RBM19: variants seen among roughly 807,000 people sequenced by gnomAD.
RBM19 encodes the protein probable RNA-binding protein 19.
Under a neutral mutation model 116.8 loss-of-function variants are expected in RBM19, and 94 were observed. The ratio of observed to expected loss-of-function variants is 0.80; its 90% CI spans 0.68 to 0.95. RBM19 has a LOEUF of 0.95. Among genes scored for constraint, RBM19 ranks in the 40% least tolerant of loss-of-function variants. The pLI is 0.00. For synonymous variants in RBM19, 475 were observed against 494.1 expected (o/e 0.96, Z 0.51); for missense variants, 1,161 against 1,220.7 (o/e 0.95, Z 0.73).
chr12:113,845,339 A>G (rs1876869842), intron 22 of RBM19, among the ~76,000 whole-genome samples: 1 of 150,940 alleles, frequency 6.6e-6, no homozygotes, highest in Non-Finnish European at 1.5e-5. Context: ...TCCCGCTCCC[A>G]GCTCCCACCC....
intron 21 of RBM19, among the ~76,000 whole-genome samples, chr12:113,890,405 T>G (rs2135805995): frequency 6.6e-6 from 1 of 152,288 alleles, no homozygotes; most frequent in South Asian, 2.1e-4. Flanking sequence ...CTGCCATAGG[T>G]GTCTGCAGCC....
At chr12:113,845,710 G>A (rs1180737019) in intron 22 of RBM19, among the ~76,000 whole-genome samples, 3 of 152,154 alleles carry the variant, frequency 2.0e-5, no homozygotes, top group Admixed American at 6.5e-5. Context: ...GATCAGTACC[G>A]TCTTAAACAT....
intron 21 of RBM19, among the ~76,000 whole-genome samples, chr12:113,902,067 A>G (rs1023545659): frequency 3.3e-5 from 5 of 152,244 alleles, no homozygotes; most frequent in African/African-American, 1.2e-4. Context: ...GCAAAACTAC[A>G]GTACAATATC....
chr12:113,838,274 A>C (rs1876138729), intron 23 of RBM19, among the ~76,000 whole-genome samples: 2 of 152,240 alleles, frequency 1.3e-5, no homozygotes, highest in South Asian at 4.1e-4. Context: ...GAGGACCTGG[A>C]GAAAACCCAC....
intron 21 of RBM19, among the ~76,000 whole-genome samples, chr12:113,908,088 C>T (rs1035095721): frequency 6.6e-6 from 1 of 152,148 alleles, no homozygotes; most frequent in African/African-American, 2.4e-5. Context: ...TTTTCTCCCA[C>T]CCCACACACC....
chr12:113,864,879 G>C (rs544549828), intron 21 of RBM19, among the ~76,000 whole-genome samples: 2 of 152,256 alleles, frequency 1.3e-5, no homozygotes, highest in South Asian at 4.2e-4. Context: ...ACAAATATGT[G>C]CTAGTCATCG....
rs557575803 is a variant in RBM19, at chr12:113,958,155, G to A, written c.572-105C>T. On this transcript the variant is annotated intron_variant, in intron 5 of 23. Coordinates refer to ENST00000261741, the MANE Select transcript of RBM19 (RefSeq NM_016196.4). ...CCTAGTGAGAGGCCTGAGGCACCAT[G>A]CCCACCGTGTCCATGGCCCCTGTGC... is the stretch of plus-strand genomic sequence containing the variant. 3.4e-5 allele frequency: 51 copies of A among 1,506,694 alleles called. 1 individual carries two copies. In the Admixed American group the frequency reaches 1.1e-3, roughly 32 times the overall value. 93.3% of individuals were successfully genotyped at this position (1,506,694 alleles called of 1,614,324 possible).
intron 23 of RBM19, among the ~76,000 whole-genome samples, chr12:113,836,981 CCTA>C (rs1429839730): frequency 8.3e-6 from 1 of 120,416 alleles, no homozygotes; most frequent in African/African-American, 3.5e-5. Flanking sequence ...TACCTGTCCT[CCTA>C]CTTACTACAT....
At chr12:113,926,186 C>G (rs1869050711) in intron 17 of RBM19, among the ~76,000 whole-genome samples, 1 of 152,154 alleles carries the variant, frequency 6.6e-6, no homozygotes, top group African/African-American at 2.4e-5. Context: ...GCCTCCATAT[C>G]TTCTGCCCAC....
At chr12:113,956,576 C>CAAAA (rs10592306) in intron 6 of RBM19, among the ~76,000 whole-genome samples, 4 of 66,210 alleles carry the variant, frequency 6.0e-5, no homozygotes, top group Admixed American at 1.8e-4. Context: ...AAGACTGTCT[C>CAAAA]AAAAAAAAAA....
intron 16 of RBM19, among the ~76,000 whole-genome samples, chr12:113,929,812 G>A (rs1344511056): frequency 2.0e-5 from 3 of 152,142 alleles, no homozygotes; most frequent in African/African-American, 7.2e-5. Context: ...GAAAACAGGG[G>A]GCCCAAGGAG....
intron 17 of RBM19, 59 bp from the exon 18 acceptor site, chr12:113,924,816 A>G (rs1458713): frequency 0.87 from 1,239,208 of 1,418,292 alleles, 542,733 homozygotes; most frequent in East Asian, 0.98. Context: ...AGGCAAGGGC[A>G]CCTGTCAAAC....
At chr12:113,918,503 T>C in intron 19 of RBM19, 56 bp from the exon 20 acceptor site, 1 of 1,582,482 alleles carries the variant, frequency 6.3e-7, no homozygotes, top group Admixed American at 1.7e-5. Context: ...CTCACCCGAA[T>C]CCTTGCCCTT....
chr12:113,830,228 C>G (rs28739424), intron 23 of RBM19, among the ~76,000 whole-genome samples: 39,102 of 152,106 alleles, frequency 0.26, 5,184 homozygotes, highest in Middle Eastern at 0.4. Context: ...CAGCAATTTC[C>G]TTTTCAAAGG....
chr12:113,837,079 C>CTACATACATACATACA (rs59581128), intron 23 of RBM19, among the ~76,000 whole-genome samples: 7 of 136,314 alleles, frequency 5.1e-5, no homozygotes, highest in South Asian at 4.8e-4. Flanking sequence ...CCCCTACTTA[C>CTACATACATACATACA]TACATACATA....
At chr12:113,946,621 G>A (rs11066842) in intron 11 of RBM19, 146 bp from the exon 12 acceptor site, 223,516 of 1,011,266 alleles carry the variant, frequency 0.22, 28,095 homozygotes, top group Middle Eastern at 0.27. Flanking sequence ...CAGGTAGAAC[G>A]TGGCCACTCT....
At chr12:113,943,486 A>G (rs1870751904) in intron 13 of RBM19, among the ~76,000 whole-genome samples, 1 of 137,640 alleles carries the variant, frequency 7.3e-6, no homozygotes, top group Non-Finnish European at 1.6e-5. Flanking sequence ...AGACTACAAT[A>G]GCTTGCAATT....
At chr12:113,820,358 A>G (rs1874332156), downstream of RBM19, among the ~76,000 whole-genome samples, 1 of 152,130 alleles carries the variant, frequency 6.6e-6, no homozygotes, top group South Asian at 2.1e-4. Flanking sequence ...AAAGGAAAAT[A>G]AAAAGGCGCC....
rs774607484 is a variant in RBM19, at chr12:113,858,952, C to T, written c.2559-56G>A. On this transcript the variant is annotated intron_variant, in intron 21 of 23. Transcript: ENST00000261741. ...AAGAATAGAGGCCCGCAAGGGAGGT[C>T]GGGAAGGCAGGACTGATTCTCACAT... The T allele has an allele frequency of 2.2e-5, 33 of 1,518,482 alleles. No individual in the cohort carries two copies. In the Admixed American group the frequency reaches 2.2e-4, roughly 10 times the overall value. The allele number at this position is 1,518,482 out of a possible 1,614,324, so 94.1% of individuals were successfully genotyped here.
Sources: gnomAD v4.1 joint callset for allele counts (sites outside exome capture counted in the v4.1 genomes callset) on GRCh38, gnomAD v4.1.1 for gene constraint, MANE v1.5 for transcripts, NCBI Gene and HGNC (gene_info 2026-07-23, HGNC 2026-07-21) for gene names.